Variants in DDX55 observed in about 807,000 individuals in gnomAD.
DDX55 encodes DEAD-box helicase 55.
DDX55 carries 56 observed loss-of-function variants against 69.2 expected under a neutral mutation model. The observed-to-expected ratio is 0.81, with a 90% confidence interval of 0.65 to 1.01. DDX55 has a LOEUF of 1.01. DDX55 is among the 50% of genes least tolerant of loss of function. DDX55 has a pLI of 0.00. For synonymous variants in DDX55, 268 were observed against 273.1 expected (o/e 0.98, Z 0.18); for missense variants, 720 against 745.1 (o/e 0.97, Z 0.39).
chr12:123,606,975 C>A (rs1443929014), intron 3 of DDX55, among the ~76,000 whole-genome samples: 1 of 152,160 alleles, frequency 6.6e-6, no homozygotes, highest in Non-Finnish European at 1.5e-5. Context: ...AAGGTTATGA[C>A]GTGCAGAGAA....
chr12:123,618,613 C>T, intron 11 of DDX55, 56 bp from the exon 12 acceptor site: 1 of 1,588,190 alleles, frequency 6.3e-7, no homozygotes, highest in Non-Finnish European at 8.6e-7. Flanking sequence ...ATGGGGAGCC[C>T]TGGGGATATG....
intron 7 of DDX55, among the ~76,000 whole-genome samples, chr12:123,611,436 C>T (rs775599349): frequency 8.5e-5 from 13 of 152,238 alleles, no homozygotes; most frequent in South Asian, 6.2e-4. Context: ...CCACTGCTGA[C>T]GGTACACTGG....
intron 3 of DDX55, among the ~76,000 whole-genome samples, chr12:123,607,067 T>TTAAATATGTTAAATAGAGTTAAATC (rs1252775176): frequency 1.3e-5 from 2 of 152,162 alleles, no homozygotes; most frequent in Non-Finnish European, 2.9e-5. Context: ...GAATCAATAG[T>TTAAATATGTTAAATAGAGTTAAATC]ATATGTTAAA....
In DDX55 at chr12:123,613,332, T is replaced by C. The variant is rs534934005; in HGVS notation, c.824+80T>C. On this transcript the variant is annotated intron_variant, in intron 8 of 13. Coordinates refer to ENST00000238146, the MANE Select transcript of DDX55 (RefSeq NM_020936.3). ...GTGCATGCGGCCTTTGGGTTTTGGA[T>C]TCCATCTAGCATGGTTCTCTCCGGA... 331 of 1,398,458 alleles carry C rather than the reference T, an allele frequency of 2.4e-4. 6 individuals are homozygous for C. In the East Asian group the frequency reaches 7.5e-3, roughly 32 times the overall value. 86.6% of individuals were successfully genotyped at this position (1,398,458 alleles called of 1,614,324 possible). A position where few individuals can be genotyped will look rare whatever the true frequency, so the allele number is the denominator to read the frequency against.
At chr12:123,602,551 C>T (rs866003496) in intron 1 of DDX55, among the ~76,000 whole-genome samples, 2 of 152,188 alleles carry the variant, frequency 1.3e-5, no homozygotes, top group Non-Finnish European at 2.9e-5. Flanking sequence ...TTAACCTCTC[C>T]GTGCTTCATT....
chr12:123,613,594 G>T (rs901579534), intron 8 of DDX55, among the ~76,000 whole-genome samples: 3 of 152,012 alleles, frequency 2.0e-5, no homozygotes, highest in African/African-American at 7.3e-5. Flanking sequence ...AAGATAAGGG[G>T]GGAAAGGCAG....
chr12:123,613,307 G>A, intron 8 of DDX55, 55 bp downstream of exon 8: 2 of 1,560,708 alleles, frequency 1.3e-6, no homozygotes, highest in Admixed American at 1.7e-5. Flanking sequence ...GAATGTGCAG[G>A]TGCATGCGGC....
chr12:123,603,461 GGCTCACTGCAACCTCC>G (rs1426303308), intron 1 of DDX55, among the ~76,000 whole-genome samples: 6 of 144,000 alleles, frequency 4.2e-5, no homozygotes, highest in Non-Finnish European at 9.0e-5. Context: ...GCGCGATCTC[GGCTCACTGCAACCTCC>G]GCCTCCTGGG....
chr12:123,616,721 G>C (rs1456788302), intron 10 of DDX55, 118 bp downstream of exon 10: 1 of 1,123,138 alleles, frequency 8.9e-7, no homozygotes, highest in African/African-American at 1.5e-5. Flanking sequence ...CAAGCCTCCA[G>C]CGTGCTTGGG....
At chr12:123,603,597 G>C (rs1167980128) in intron 1 of DDX55, among the ~76,000 whole-genome samples, 1 of 151,796 alleles carries the variant, frequency 6.6e-6, no homozygotes, top group Non-Finnish European at 1.5e-5. Context: ...TCACCATCTC[G>C]GCCAGGTTGG....
Position 123,607,439 on chromosome 12 carries a change from C to G in DDX55, c.254C>G (p.Ala85Gly). ...EEKLKKSQVG[A>G]IIITPTRELA... ...TTCCTTCCATGTGGGTAGGTTGGAG[C>G]CATAATCATCACCCCCACTCGAGAG... Residue 85 changes from alanine (A) to glycine (G), a missense_variant, in exon 4 of 14, where the codon GCC (alanine) becomes GGC (glycine). Ala to Gly is a moderately conservative substitution (Grantham distance 60). Transcript: ENST00000238146. 1.2e-6 allele frequency: 2 copies of G among 1,614,000 alleles called. No homozygotes were observed. Among genetic ancestry groups the G allele is most frequent in the Non-Finnish European group, 1.7e-6 (2 of 1,179,980 alleles).
In DDX55 at chr12:123,616,442, C is replaced by G. The variant is rs1954674286; in HGVS notation, c.957-69C>G. The G allele has an allele frequency of 1.2e-5, 16 of 1,386,032 alleles. No individual in the cohort carries two copies. The South Asian group carries it at 1.9e-4, about 16-fold the overall frequency. The allele number at this position is 1,386,032 out of a possible 1,614,324, so 85.9% of individuals were successfully genotyped here. On this transcript the variant is annotated intron_variant, in intron 9 of 13. Transcript: ENST00000238146. ...ACCTGTGTGTCACTGTCATCGAGAT[C>G]AGTAGGCTGTTTGATGGTGATGAAG... is the stretch of plus-strand genomic sequence containing the variant.
At chr12:123,605,889 G>T (rs370898713) in intron 1 of DDX55, 42 bp from the exon 2 acceptor site, 1 of 1,614,016 alleles carries the variant, frequency 6.2e-7, no homozygotes, top group Non-Finnish European at 8.5e-7. Flanking sequence ...CCTGTGAATT[G>T]ATGGCATCCT....
At chr12:123,611,191 G>T (rs1037634392) in intron 7 of DDX55, among the ~76,000 whole-genome samples, 1 of 152,228 alleles carries the variant, frequency 6.6e-6, no homozygotes, top group Non-Finnish European at 1.5e-5. Flanking sequence ...GAGCCATCAT[G>T]CCTGGCCCAA....
In DDX55 at chr12:123,619,414, ATCT is replaced by A. The variant is rs751139645; in HGVS notation, c.1334-14_1334-12del. ...AATCCTGTTGAGTGCGCTAACTCTG[ATCT>A]TCTGATTGAATCAGATCTTGATTTT... On this transcript the variant is annotated splice_polypyrimidine_tract_variant and intron_variant, in intron 12 of 13. Coordinates refer to ENST00000238146, the MANE Select transcript of DDX55 (RefSeq NM_020936.3). The A allele has an allele frequency of 4.4e-6, 7 of 1,602,848 alleles. No homozygotes were observed. The highest frequency in any genetic ancestry group is 1.3e-5 in the African/African-American group (1 of 74,284).
rs1416054283 is a variant in DDX55 at position 123,618,018 on chromosome 12, T to C, written c.1164+146T>C. 31 of 516,894 alleles carry C rather than the reference T, an allele frequency of 6.0e-5. No homozygotes were observed. In the Admixed American group the frequency reaches 8.3e-4, roughly 14 times the overall value. 32.0% of individuals were successfully genotyped at this position (516,894 alleles called of 1,614,324 possible). Reference sequence around the variant, plus strand: ...GGCAGTGGGGGGCCCTGGTGGGGTTTTTTTTTTTTTTTTTTGAGACGGAGT... The same window carrying C: ...GGCAGTGGGGGGCCCTGGTGGGGTTCTTTTTTTTTTTTTTTGAGACGGAGT... On this transcript the variant is annotated intron_variant, in intron 11 of 13. Transcript: ENST00000238146.
chr12:123,610,017 G>A lies in DDX55; in HGVS notation c.630G>A (p.Glu210=), dbSNP rs1467955637. ...LFSATQTQEV[E]NLVRAGLRNP... ...CTGCCACTCAGACGCAGGAAGTGGA[G>A]AACCTGGTGAGAGCGGGCCTCCGGA... The change falls in exon 7 of 14, where the codon GAG becomes GAA. Residue 210 remains glutamate (E), a synonymous_variant. Coordinates refer to ENST00000238146, the MANE Select transcript of DDX55 (RefSeq NM_020936.3). 2.5e-6 allele frequency: 4 copies of A among 1,614,198 alleles called. No individual in the cohort carries two copies. The highest frequency in any genetic ancestry group is 1.1e-5 in the South Asian group (1 of 91,086).
rs1412555762 is a variant in DDX55, at chr12:123,605,985, A to C, written c.159+4A>C. The C allele has an allele frequency of 1.2e-6, 2 of 1,614,110 alleles. No individual in the cohort carries two copies. Among genetic ancestry groups the C allele is most frequent in the South Asian group, 1.1e-5 (1 of 91,074 alleles). ...CAAAGATGTCGCTGCAGAAGCGGTG[A>C]GTGCCTCGGGTATGTGCAGCCTGTC... On this transcript the variant is annotated splice_donor_region_variant and intron_variant, in intron 2 of 13. Transcript: ENST00000238146.
Position 123,618,751 on chromosome 12 carries a change from CTG to C in DDX55, c.1251_1252del (p.Phe418Ter), listed in dbSNP as rs1176397458. The C allele has an allele frequency of 1.1e-5, 17 of 1,614,046 alleles. No individual in the cohort carries two copies. The highest frequency in any genetic ancestry group is 1.3e-5 in the African/African-American group (1 of 74,910). On this transcript the variant is annotated frameshift_variant, in exon 12 of 14. Transcript: ENST00000238146. LOFTEE classifies it high-confidence loss of function. ...AAGTCCATGGCCCTGGCTGACAGAGCTGTGTTTGAAAAGGGCATGAAAGCTTT... is the reference window on the plus strand; with the variant it reads ...AAGTCCATGGCCCTGGCTGACAGAGCTGTTTGAAAAGGGCATGAAAGCTTT...
Sources: allele counts gnomAD v4.1 joint callset (sites outside exome capture counted in the v4.1 genomes callset), GRCh38; gene constraint gnomAD v4.1.1; transcripts MANE v1.5; gene names NCBI Gene and HGNC (gene_info 2026-07-23, HGNC 2026-07-21).